The following EPG5 variants were observed in gnomAD, a reference collection of about 807,000 sequenced individuals.
EPG5 encodes the protein ectopic P-granules 5 autophagy tethering factor.
In EPG5, 159 loss-of-function variants were observed where a neutral mutation model predicts 302.7. That is an observed-to-expected ratio of 0.53 (90% CI 0.46 to 0.60). The LOEUF is 0.60. EPG5 is among the 20% of genes least tolerant of loss of function. The pLI is 0.00. For synonymous variants in EPG5, 1,158 were observed against 1,136.8 expected (o/e 1.02, Z -0.37); for missense variants, 2,896 against 3,092.4 (o/e 0.94, Z 1.51).
chr18:45,915,944 T>C, intron 19 of EPG5, 65 bp downstream of exon 19: 1 of 1,408,230 alleles, frequency 7.1e-7, no homozygotes, highest in East Asian at 2.4e-5. Context: ...CTTGGGGGAA[T>C]CTTTTTAGAA....
At chr18:45,838,947 C>A in the EPG5 span, 1 of 1,605,294 alleles carries the variant, frequency 6.2e-7, no homozygotes. Context: ...CCGCCAACAG[C>A]CTGGGCCGCT....
chr18:45,962,476 A>G (rs1271316042), intron 1 of EPG5, among the ~76,000 whole-genome samples: 1 of 152,248 alleles, frequency 6.6e-6, no homozygotes, highest in Non-Finnish European at 1.5e-5. Context: ...AATTATCAAG[A>G]TCAATGAAGT....
At chr18:45,840,561 C>T in the EPG5 span, among the ~76,000 whole-genome samples, 2 of 152,214 alleles carry the variant, frequency 1.3e-5, no homozygotes, top group Non-Finnish European at 2.9e-5. Context: ...CCCCGTTCCC[C>T]CCTGGCACTC....
At chr18:45,915,802 C>T (rs565004767) in intron 19 of EPG5, among the ~76,000 whole-genome samples, 181 bp from the exon 20 acceptor site, 4 of 152,294 alleles carry the variant, frequency 2.6e-5, no homozygotes, top group African/African-American at 9.6e-5. Context: ...ATGTAACAAG[C>T]GGGACTCTTC....
In EPG5 at chr18:45,860,092, A is replaced by G; in HGVS notation, c.7009+12T>C. On this transcript the variant is annotated intron_variant, in intron 40 of 43. Transcript: ENST00000282041. ...GACCAATACAATGGAGCGTAAGATG[A>G]CCTCCTCTTACTTTCTTTGAAGTAG... is the stretch of plus-strand genomic sequence containing the variant. 5.0e-6 allele frequency: 8 copies of G among 1,613,950 alleles called. No individual in the cohort carries two copies. Among genetic ancestry groups the G allele is most frequent in the Non-Finnish European group, 6.8e-6 (8 of 1,179,944 alleles).
intron 25 of EPG5, 57 bp downstream of exon 25, chr18:45,903,916 G>T: frequency 6.5e-7 from 1 of 1,531,962 alleles, no homozygotes. Context: ...ACCCTCAATG[G>T]CTCTGATTCA....
At chr18:45,855,923 G>A (rs116782646) in intron 42 of EPG5, among the ~76,000 whole-genome samples, 9 of 152,302 alleles carry the variant, frequency 5.9e-5, no homozygotes, top group African/African-American at 2.2e-4. Context: ...AAGATGTGGA[G>A]TAACTGGAAC....
the EPG5 span, among the ~76,000 whole-genome samples, chr18:45,832,549 T>C: frequency 6.6e-6 from 1 of 152,210 alleles, no homozygotes; most frequent in African/African-American, 2.4e-5. Flanking sequence ...AATTGCCACC[T>C]AGGTCCAGCT....
At chr18:45,923,431 G>C in intron 14 of EPG5, 44 bp from the exon 15 acceptor site, 2 of 1,592,154 alleles carry the variant, frequency 1.3e-6, no homozygotes, top group Non-Finnish European at 1.7e-6. Flanking sequence ...CCTTGGTTTT[G>C]TTTTGTTTTT....
intron 1 of EPG5, among the ~76,000 whole-genome samples, chr18:45,957,837 C>T (rs1472925631): frequency 6.6e-6 from 1 of 152,194 alleles, no homozygotes; most frequent in African/African-American, 2.4e-5. Flanking sequence ...ACCATCACAA[C>T]CTCACAGCAA....
chr18:45,912,762 C>A (rs919874754), intron 21 of EPG5, among the ~76,000 whole-genome samples: 1 of 152,046 alleles, frequency 6.6e-6, no homozygotes, highest in Admixed American at 6.6e-5. Context: ...GCGAATACAA[C>A]GTTATAGTGC....
chr18:45,818,049 T>C, the EPG5 span, among the ~76,000 whole-genome samples: 1 of 152,196 alleles, frequency 6.6e-6, no homozygotes, highest in Non-Finnish European at 1.5e-5. Context: ...TCACACTATA[T>C]AGACTATTCT....
the EPG5 span, among the ~76,000 whole-genome samples, chr18:45,807,751 T>C: frequency 2.6e-5 from 4 of 152,106 alleles, no homozygotes; most frequent in African/African-American, 9.7e-5. Context: ...CCGTAGACCT[T>C]CCCTCTGACA....
the EPG5 span, among the ~76,000 whole-genome samples, chr18:45,838,106 G>C: frequency 6.6e-6 from 1 of 152,232 alleles, no homozygotes; most frequent in East Asian, 1.9e-4. Flanking sequence ...CCCAGGAAGG[G>C]CTGAGGTGGG....
chr18:45,879,794 C>T (rs2049051455), intron 32 of EPG5, among the ~76,000 whole-genome samples: 1 of 152,176 alleles, frequency 6.6e-6, no homozygotes, highest in East Asian at 1.9e-4. Context: ...CATAGAAACC[C>T]GACCAGAGGT....
At chr18:45,854,904 T>C (rs530139174) in intron 43 of EPG5, among the ~76,000 whole-genome samples, 47 of 152,292 alleles carry the variant, frequency 3.1e-4, no homozygotes, top group African/African-American at 1.1e-3. Context: ...CTATGAGGAT[T>C]AAATGAGTTA....
At chr18:45,824,705 A>G in the EPG5 span, among the ~76,000 whole-genome samples, 4 of 152,144 alleles carry the variant, frequency 2.6e-5, no homozygotes. Flanking sequence ...TGTGGTGAAG[A>G]GGAGGTGGTG....
intron 14 of EPG5, among the ~76,000 whole-genome samples, chr18:45,923,712 G>T (rs771925308): frequency 3.9e-5 from 6 of 152,192 alleles, no homozygotes; most frequent in Non-Finnish European, 8.8e-5. Context: ...AAACCAGGAA[G>T]ATGCTTAATT....
intron 36 of EPG5, among the ~76,000 whole-genome samples, chr18:45,868,997 G>C (rs2048812980): frequency 6.6e-6 from 1 of 151,276 alleles, no homozygotes; most frequent in South Asian, 2.1e-4. Flanking sequence ...GGAGCTTGCA[G>C]TGAGCCAAGA....
Sources: allele counts gnomAD v4.1 joint callset (sites outside exome capture counted in the v4.1 genomes callset), GRCh38; gene constraint gnomAD v4.1.1; transcripts MANE v1.5; gene names NCBI Gene and HGNC (gene_info 2026-07-23, HGNC 2026-07-21).